BAZ2B: variants seen among roughly 807,000 people sequenced by gnomAD.
BAZ2B encodes bromodomain adjacent to zinc finger domain 2B.
A neutral mutation model predicts 246.0 loss-of-function variants in BAZ2B; 91 were observed. The observed-to-expected ratio is 0.37, with a 90% confidence interval of 0.31 to 0.44. The LOEUF (loss-of-function observed/expected upper bound fraction) is 0.44, where lower values mean the gene tolerates loss of function less well. Ranked by LOEUF, BAZ2B falls within the 20% of genes least tolerant of loss-of-function variation. The pLI, the probability that BAZ2B is intolerant of heterozygous loss-of-function variation, is 1.00. For missense variants in BAZ2B, 2,332 were observed against 2,533.7 expected, an observed-to-expected ratio of 0.92 and a Z score of 1.71; for synonymous variants, 855 against 860.0, an observed-to-expected ratio of 0.99 and a Z score of 0.10.
intron 3 of BAZ2B, among the ~76,000 whole-genome samples, chr2:159,454,578 C>T (rs1016856845): frequency 6.6e-6 from 1 of 152,098 alleles, no homozygotes; most frequent in Admixed American, 6.5e-5. Flanking sequence ...AAAAATATGG[C>T]ATTATAATCT....
At chr2:159,660,355 C>T in the BAZ2B span, among the ~76,000 whole-genome samples, 1 of 152,088 alleles carries the variant, frequency 6.6e-6, no homozygotes, top group Non-Finnish European at 1.5e-5. Context: ...TTTGTTTATC[C>T]TTTCTTCATT....
chr2:159,576,860 C>A (rs1195963286), intron 1 of BAZ2B, among the ~76,000 whole-genome samples: 1 of 137,010 alleles, frequency 7.3e-6, no homozygotes, highest in Non-Finnish European at 1.5e-5. Flanking sequence ...TTGCGGTGAG[C>A]CGAGATCACG....
Position 159,599,102 on chromosome 2 carries a change from C to T in BAZ2B, c.-46+17140G>A, listed in dbSNP as rs1042198888. 1.4e-4 allele frequency among the ~76,000 whole-genome samples: 21 copies of T among 152,162 alleles called. No individual in the cohort carries two copies. In the East Asian group the frequency reaches 2.7e-3, roughly 20 times the overall value. Reference sequence around the variant, plus strand: ...AAAATTACCTGGGCTTGGGGGCACACGCCTGTAATCCCAGCTACTCAACTT... The same window carrying T: ...AAAATTACCTGGGCTTGGGGGCACATGCCTGTAATCCCAGCTACTCAACTT... On this transcript the variant is annotated intron_variant, in intron 1 of 36. Coordinates refer to ENST00000392783, the MANE Select transcript of BAZ2B (RefSeq NM_013450.4).
intron 1 of BAZ2B, among the ~76,000 whole-genome samples, chr2:159,570,432 C>T (rs571452755): frequency 7.2e-5 from 11 of 152,290 alleles, no homozygotes; most frequent in African/African-American, 2.2e-4. Flanking sequence ...CCGCCCGCCT[C>T]GGCCTCCCAA....
chr2:159,506,360 T>C (rs1334547306), intron 2 of BAZ2B, among the ~76,000 whole-genome samples: 1 of 152,158 alleles, frequency 6.6e-6, no homozygotes, highest in African/African-American at 2.4e-5. Flanking sequence ...CCAGGAGATC[T>C]GAGCTGTAAT....
At chr2:159,635,548 G>A in the BAZ2B span, among the ~76,000 whole-genome samples, 1 of 151,236 alleles carries the variant, frequency 6.6e-6, no homozygotes. Flanking sequence ...CTTTTGAAAT[G>A]TATGATGAAA....
chr2:159,440,926 A>G (rs1364236947), intron 6 of BAZ2B, among the ~76,000 whole-genome samples: 1 of 152,180 alleles, frequency 6.6e-6, no homozygotes, highest in Non-Finnish European at 1.5e-5. Flanking sequence ...CTTCCCTCAA[A>G]GTAGGGCAGA....
chr2:159,354,948 A>G (rs1302732717), intron 27 of BAZ2B, among the ~76,000 whole-genome samples: 2 of 152,198 alleles, frequency 1.3e-5, no homozygotes, highest in African/African-American at 2.4e-5. Flanking sequence ...TAAAAGTAGC[A>G]AAGTTTGCTA....
intron 2 of BAZ2B, among the ~76,000 whole-genome samples, chr2:159,512,126 T>C (rs1010744076): frequency 6.6e-6 from 1 of 151,740 alleles, no homozygotes; most frequent in Non-Finnish European, 1.5e-5. Context: ...TTCAGACTCA[T>C]ATCCTATTTT....
intron 3 of BAZ2B, chr2:159,459,676 TAAA>T (rs1483252519): frequency 6.6e-6 from 1 of 152,064 alleles, no homozygotes; most frequent in Non-Finnish European, 1.5e-5. Context: ...TCAGTATTAA[TAAA>T]AAAGCAGAAA....
intron 25 of BAZ2B, among the ~76,000 whole-genome samples, chr2:159,378,827 T>C (rs953985778): frequency 3.3e-5 from 5 of 152,112 alleles, no homozygotes; most frequent in Non-Finnish European, 5.9e-5. Context: ...GGCAAGGATA[T>C]GGAGAAATTG....
rs2074325097 is a variant in BAZ2B at position 159,446,856 on chromosome 2, C to T, written c.622G>A (p.Gly208Arg). The change falls in exon 6 of 37, where the codon GGA becomes AGA. Residue 208 changes from glycine (G) to arginine (R), a missense_variant. Gly to Arg is a moderately radical substitution (Grantham distance 125, BLOSUM62 -2). Coordinates refer to ENST00000392783, the MANE Select transcript of BAZ2B (RefSeq NM_013450.4). ...GQTKSTSSGG[G>R]NRKCNQEQSK... The stretch of plus-strand genomic sequence containing the variant: ...TGTTCCTGATTACATTTTCGATTTC[C>T]TCCACCTGAGCTTGTACTTTTAGTT... 1 of 1,613,716 alleles carries T rather than the reference C, an allele frequency of 6.2e-7. No homozygotes were observed.
chr2:159,349,957 C>G lies in BAZ2B; in HGVS notation c.4614G>C (p.Lys1538Asn), dbSNP rs774338485. ...LFNTGSSGPGKFYSPLPNDQL... is the reference protein window; with the variant it reads ...LFNTGSSGPGNFYSPLPNDQL... ...GGTCATTGGGGAGAGGACTGTAGAACTTCCCTGGACCACTTGAACCAGTAT... is the reference window on the plus strand; with the variant it reads ...GGTCATTGGGGAGAGGACTGTAGAAGTTCCCTGGACCACTTGAACCAGTAT... Residue 1538 changes from lysine to asparagine, a missense_variant, in exon 28 of 37, where the codon AAG (lysine) becomes AAC (asparagine). Physicochemically the swap from Lys to Asn is moderately conservative, Grantham distance 94. Coordinates refer to ENST00000392783, the MANE Select transcript of BAZ2B (RefSeq NM_013450.4). 2.5e-6 allele frequency: 4 copies of G among 1,614,078 alleles called. No individual in the cohort carries two copies. Among genetic ancestry groups the G allele is most frequent in the Admixed American group, 1.7e-5 (1 of 60,004 alleles).
chr2:159,389,417 C>T lies in BAZ2B; in HGVS notation c.3144G>A (p.Gln1048=). ...TTGCCATTTCTAATTCTAATCTTCG[C>T]TGCTCTAGTTTACGCTCTTTATTTA... is the stretch of plus-strand genomic sequence containing the variant. ...KRLNKERKLE[Q]RRLELEMAKE... is the part of the protein sequence containing the mutation. The change falls in exon 21 of 37, where the codon CAG becomes CAA. Residue 1048 remains glutamine, a synonymous_variant. Transcript: ENST00000392783. 1 of 1,612,290 alleles carries T rather than the reference C, an allele frequency of 6.2e-7. No individual in the cohort carries two copies. Among genetic ancestry groups the T allele is most frequent in the African/African-American group, 1.3e-5 (1 of 74,996 alleles).
chr2:159,697,615 A>G, the BAZ2B span, among the ~76,000 whole-genome samples: 1 of 152,190 alleles, frequency 6.6e-6, no homozygotes, highest in Non-Finnish European at 1.5e-5. Context: ...ATCACAGTCT[A>G]TAACAATTTT....
intron 3 of BAZ2B, among the ~76,000 whole-genome samples, chr2:159,470,541 G>A (rs2077653810): frequency 6.6e-6 from 1 of 152,240 alleles, no homozygotes; most frequent in Admixed American, 6.5e-5. Flanking sequence ...ACAGATAAAA[G>A]CAGGGCAAGC....
chr2:159,644,189 A>G, the BAZ2B span, among the ~76,000 whole-genome samples: 1 of 152,202 alleles, frequency 6.6e-6, no homozygotes, highest in Admixed American at 6.5e-5. Context: ...TCAGCTATGA[A>G]CTTGTGAAAC....
chr2:159,623,152 AAGGAGGG>A, the BAZ2B span, among the ~76,000 whole-genome samples: 1 of 149,874 alleles, frequency 6.7e-6, no homozygotes, highest in African/African-American at 2.5e-5. Flanking sequence ...AAAAGGAAAG[AAGGAGGG>A]AGGAGGGAAG....
At chr2:159,342,724 G>A (rs1431568285) in intron 31 of BAZ2B, among the ~76,000 whole-genome samples, 4 of 152,048 alleles carry the variant, frequency 2.6e-5, no homozygotes, top group Non-Finnish European at 5.9e-5. Context: ...AACCAAAGAA[G>A]TGAAAGACCT....
Sources: gnomAD v4.1 joint callset for allele counts (sites outside exome capture counted in the v4.1 genomes callset) on GRCh38, gnomAD v4.1.1 for gene constraint, MANE v1.5 for transcripts, NCBI Gene and HGNC (gene_info 2026-07-23, HGNC 2026-07-21) for gene names.